The following PREPL variants were observed in gnomAD, a reference collection of about 807,000 sequenced individuals.
PREPL encodes prolyl endopeptidase-like.
PREPL carries 77 observed loss-of-function variants against 70.6 expected under a neutral mutation model. The ratio of observed to expected loss-of-function variants is 1.09; its 90% CI spans 0.91 to 1.32. The LOEUF is 1.32. PREPL is among the 40% of genes most tolerant of loss of function. PREPL has a pLI of 0.00. For synonymous variants in PREPL, 315 were observed against 264.8 expected, an observed-to-expected ratio of 1.19 and a Z score of -1.84; for missense variants, 1,002 against 778.2, an observed-to-expected ratio of 1.29 and a Z score of -3.42.
chr2:44,325,034 G>T (rs1673353525), intron 10 of PREPL, among the ~76,000 whole-genome samples: 1 of 152,078 alleles, frequency 6.6e-6, no homozygotes, highest in South Asian at 2.1e-4. Flanking sequence ...ACCAAGTATA[G>T]TGAGTCATCT....
chr2:44,343,717 CAG>C (rs759744972), intron 4 of PREPL, 26 bp downstream of exon 4: 1 of 1,582,318 alleles, frequency 6.3e-7, no homozygotes, highest in Admixed American at 1.7e-5. Flanking sequence ...CCTTTCAACA[CAG>C]AGGACTATTT....
chr2:44,353,970 G>A (rs1278128731), intron 1 of PREPL, among the ~76,000 whole-genome samples: 1 of 152,078 alleles, frequency 6.6e-6, no homozygotes, highest in Non-Finnish European at 1.5e-5. Context: ...AGACAAGCCC[G>A]CACAACAAAG....
chr2:44,341,443 C>G (rs1176237443), intron 5 of PREPL, among the ~76,000 whole-genome samples: 1 of 151,914 alleles, frequency 6.6e-6, no homozygotes, highest in East Asian at 1.9e-4. Context: ...GGGCAAGTCC[C>G]CTACCCTACT....
At chr2:44,350,092 T>G (rs1390923159) in intron 1 of PREPL, among the ~76,000 whole-genome samples, 1 of 152,180 alleles carries the variant, frequency 6.6e-6, no homozygotes, top group East Asian at 1.9e-4. Context: ...CTCATTTTAT[T>G]AGGCTAATAT....
intron 1 of PREPL, among the ~76,000 whole-genome samples, chr2:44,357,254 T>C (rs932549937): frequency 6.6e-6 from 1 of 152,260 alleles, no homozygotes; most frequent in African/African-American, 2.4e-5. Context: ...AATAGCTCTT[T>C]AAGCAGACAT....
At chr2:44,324,751 G>C (rs1474472732) in intron 10 of PREPL, among the ~76,000 whole-genome samples, 1 of 152,100 alleles carries the variant, frequency 6.6e-6, no homozygotes, top group Non-Finnish European at 1.5e-5. Flanking sequence ...GCAGGGCATG[G>C]TGGCACATGC....
chr2:44,343,935 A>C lies in PREPL; in HGVS notation c.159T>G (p.Tyr53Ter). The change falls in exon 4 of 14, where the codon TAT (tyrosine) becomes TAG (stop). Residue 53 changes from tyrosine (Y) to a stop codon, truncating the protein, a stop_gained. Transcript: ENST00000409411. LOFTEE classifies it high-confidence loss of function. ...SKDEEADNDN[Y>*]EVLFNLEELK... ...GTTCCTCCAAATTGAATAAAACTTC[A>C]TAATTATCATTGTCTGCTGTATAAA... is the stretch of plus-strand genomic sequence containing the variant. 6.2e-7 allele frequency: 1 copy of C among 1,613,928 alleles called. No individual in the cohort carries two copies.
intron 1 of PREPL, among the ~76,000 whole-genome samples, chr2:44,346,948 T>C (rs975114755): frequency 6.6e-6 from 1 of 152,206 alleles, no homozygotes; most frequent in African/African-American, 2.4e-5. Flanking sequence ...TTAAATTTTT[T>C]AAATTTAAAT....
chr2:44,338,641 T>C (rs1674888492), intron 6 of PREPL, 105 bp from the exon 7 acceptor site: 1 of 926,686 alleles, frequency 1.1e-6, no homozygotes, highest in Non-Finnish European at 1.6e-6. Flanking sequence ...CTCACTGTTT[T>C]ATGAAGAGCT....
At chr2:44,328,833 A>T (rs1011780672) in intron 9 of PREPL, 104 bp downstream of exon 9, 3 of 1,191,386 alleles carry the variant, frequency 2.5e-6, no homozygotes, top group African/African-American at 1.5e-5. Context: ...ATTGAATAAT[A>T]AGAATGAAAA....
intron 11 of PREPL, 26 bp downstream of exon 11, chr2:44,323,236 A>G (rs780297562): frequency 6.5e-7 from 1 of 1,550,290 alleles, no homozygotes; most frequent in Admixed American, 2.1e-5. Flanking sequence ...AATTCAGGAT[A>G]ATCTAACACA....
At chr2:44,324,670 G>C (rs987421818) in intron 10 of PREPL, among the ~76,000 whole-genome samples, 3 of 152,150 alleles carry the variant, frequency 2.0e-5, no homozygotes, top group African/African-American at 4.8e-5. Context: ...TTGAGCCCAG[G>C]AGTTTGAAAC....
upstream of PREPL, chr2:44,361,834 G>C: frequency 8.0e-7 from 1 of 1,254,704 alleles, no homozygotes; most frequent in South Asian, 2.1e-5. Context: ...CTCGGCCCTG[G>C]TTGCCAAGGA....
rs944774786 is a variant in PREPL, at chr2:44,318,077, T to G, written c.*3279A>C. On this transcript the variant is annotated 3_prime_UTR_variant, in exon 14 of 14. Coordinates refer to ENST00000409411, the MANE Select transcript of PREPL (RefSeq NM_001171613.2). Reference sequence around the variant, plus strand: ...TATTTGCACATGTGCACAATAATACTTAAAGGATCTCAACACTGTTTTTTT... The same window carrying G: ...TATTTGCACATGTGCACAATAATACGTAAAGGATCTCAACACTGTTTTTTT... 4.5e-6 allele frequency: 2 copies of G among 441,718 alleles called. No homozygotes were observed. The highest frequency in any genetic ancestry group is 4.3e-5 in the African/African-American group (2 of 46,230). The allele number at this position is 441,718 out of a possible 1,614,324, so 27.4% of individuals were successfully genotyped here.
upstream of PREPL, chr2:44,361,752 A>AT (rs1677847461): frequency 8.2e-6 from 4 of 490,696 alleles, no homozygotes; most frequent in Non-Finnish European, 1.3e-5. Context: ...TAGCCCTGCC[A>AT]CAGCTCTCTC....
chr2:44,355,953 A>G (rs1187422356), intron 1 of PREPL, among the ~76,000 whole-genome samples: 1 of 152,082 alleles, frequency 6.6e-6, no homozygotes, highest in Non-Finnish European at 1.5e-5. Context: ...ATTATTTTTT[A>G]GGCAGAGCAG....
At chr2:44,324,062 A>T (rs1264258801) in intron 10 of PREPL, among the ~76,000 whole-genome samples, 1 of 152,260 alleles carries the variant, frequency 6.6e-6, no homozygotes, top group Non-Finnish European at 1.5e-5. Context: ...AAAATGTGGT[A>T]TACACATGCA....
intron 10 of PREPL, among the ~76,000 whole-genome samples, chr2:44,325,249 G>T (rs1162764641): frequency 1.3e-5 from 2 of 152,198 alleles, no homozygotes; most frequent in Non-Finnish European, 2.9e-5. Context: ...ACTCTGCATG[G>T]AAAGTTAGTG....
In PREPL at chr2:44,317,967, G is replaced by A; in HGVS notation, c.*3389C>T. On this transcript the variant is annotated 3_prime_UTR_variant, in exon 14 of 14. Coordinates refer to ENST00000409411, the MANE Select transcript of PREPL (RefSeq NM_001171613.2). ...ATGAAGATATAGCAAGCAAATAATA[G>A]AAAGCTTGCAACCCAGCTATAGCTA... 2 of 263,148 alleles carry A rather than the reference G, an allele frequency of 7.6e-6. No individual in the cohort carries two copies. The highest frequency in any genetic ancestry group is 1.4e-4 in the East Asian group (1 of 7,024). 16.3% of individuals were successfully genotyped at this position (263,148 alleles called of 1,614,324 possible). A position where few individuals can be genotyped will look rare whatever the true frequency, so the allele number is the denominator to read the frequency against.
Sources: allele counts gnomAD v4.1 joint callset (sites outside exome capture counted in the v4.1 genomes callset), GRCh38; gene constraint gnomAD v4.1.1; transcripts MANE v1.5; gene names NCBI Gene and HGNC (gene_info 2026-07-23, HGNC 2026-07-21).